Variants in HTR7 observed in about 807,000 individuals in gnomAD.
HTR7 encodes 5-HT-7.
A neutral mutation model predicts 34.0 loss-of-function variants in HTR7; 16 were observed. That is an observed-to-expected ratio of 0.47 (90% CI 0.32 to 0.71). The LOEUF is 0.71. Ranked by LOEUF, HTR7 falls within the 30% of genes least tolerant of loss-of-function variation. HTR7 has a pLI of 0.04. For synonymous variants in HTR7, 265 were observed against 260.2 expected, an observed-to-expected ratio of 1.02 and a Z score of -0.18; for missense variants, 504 against 625.5, an observed-to-expected ratio of 0.81 and a Z score of 2.07.
intron 1 of HTR7, among the ~76,000 whole-genome samples, chr10:90,759,510 C>T (rs1388422118): frequency 6.6e-6 from 1 of 150,392 alleles, no homozygotes; most frequent in Non-Finnish European, 1.5e-5. Flanking sequence ...AAAAAATTAG[C>T]CGGGCGCGGT....
chr10:90,830,488 T>C (rs1161583071), intron 1 of HTR7, among the ~76,000 whole-genome samples: 2 of 152,058 alleles, frequency 1.3e-5, no homozygotes, highest in Non-Finnish European at 2.9e-5. Flanking sequence ...CAAAAGTCAC[T>C]ATAGAAAGAT....
At chr10:90,800,216 A>G (rs1017490612) in intron 1 of HTR7, among the ~76,000 whole-genome samples, 3 of 152,236 alleles carry the variant, frequency 2.0e-5, no homozygotes, top group Non-Finnish European at 4.4e-5. Flanking sequence ...AGAATGTACA[A>G]CCACTTACAA....
chr10:90,821,652 C>G lies in HTR7; in HGVS notation c.539+35481G>C, dbSNP rs571660615. Among the ~76,000 whole-genome samples, 6 of 152,304 alleles carry G rather than the reference C, an allele frequency of 3.9e-5. No individual in the cohort carries two copies. In the East Asian group the frequency reaches 1.2e-3, roughly 29 times the overall value. ...GACACATGACCTAGTGAGACACCAACCAGTACAGCCAAGGGAATTGACGTG... is the reference window on the plus strand; with the variant it reads ...GACACATGACCTAGTGAGACACCAAGCAGTACAGCCAAGGGAATTGACGTG... On this transcript the variant is annotated intron_variant, in intron 1 of 3. Coordinates refer to ENST00000336152, the MANE Select transcript of HTR7 (RefSeq NM_019859.4).
At chr10:90,753,712 A>G (rs1844781013) in intron 1 of HTR7, among the ~76,000 whole-genome samples, 1 of 152,050 alleles carries the variant, frequency 6.6e-6, no homozygotes, top group South Asian at 2.1e-4. Flanking sequence ...TCTAAGTATT[A>G]TCAATAGGAG....
At chr10:90,855,218 TAAC>T (rs1846560070) in intron 1 of HTR7, among the ~76,000 whole-genome samples, 1 of 152,200 alleles carries the variant, frequency 6.6e-6, no homozygotes, top group Admixed American at 6.5e-5. Flanking sequence ...AGAATACAGT[TAAC>T]AACAAAATCT....
chr10:90,745,197 C>T (rs1477089363), intron 2 of HTR7, among the ~76,000 whole-genome samples: 1 of 152,162 alleles, frequency 6.6e-6, no homozygotes, highest in Non-Finnish European at 1.5e-5. Context: ...TTATAAACAA[C>T]AGAAATTTAT....
chr10:90,742,617 C>G, intron 3 of HTR7, 89 bp from the exon 4 acceptor site: 1 of 819,752 alleles, frequency 1.2e-6, no homozygotes, highest in Non-Finnish European at 2.0e-6. Context: ...TTAATTTTTA[C>G]AGCAGTCAGT....
At chr10:90,812,671 C>A (rs1446570330) in intron 1 of HTR7, among the ~76,000 whole-genome samples, 1 of 152,208 alleles carries the variant, frequency 6.6e-6, no homozygotes, top group Non-Finnish European at 1.5e-5. Context: ...GGTTCCCAAG[C>A]CACCCCAATC....
intron 1 of HTR7, among the ~76,000 whole-genome samples, chr10:90,761,660 GTGT>G (rs1844939155): frequency 1.3e-5 from 2 of 151,536 alleles, no homozygotes; most frequent in African/African-American, 4.9e-5. Flanking sequence ...GTGTGTGTGT[GTGT>G]GGTGAGGTTT....
intron 1 of HTR7, among the ~76,000 whole-genome samples, chr10:90,813,063 C>T (rs1845840646): frequency 1.3e-5 from 2 of 152,050 alleles, no homozygotes; most frequent in African/African-American, 2.4e-5. Flanking sequence ...TTGCAACCCC[C>T]ACTCCTGCCC....
chr10:90,763,748 G>C (rs1490461695), intron 1 of HTR7, among the ~76,000 whole-genome samples: 1 of 152,162 alleles, frequency 6.6e-6, no homozygotes. Context: ...AGTTTGCTGA[G>C]GATGATGGCT....
rs563722309 is a variant in HTR7 at position 90,776,525 on chromosome 10, T to C, written c.540-26931A>G. 2.5e-3 allele frequency among the ~76,000 whole-genome samples: 378 copies of C among 152,360 alleles called. 1 individual carries two copies. The highest frequency in any genetic ancestry group is 0.014 in the Middle Eastern group (4 of 294). ...ATGCGAAGCTTCTAACCTTTTCTTCTTTCTCTGAAGTTTATAATTTAAATT... is the reference window on the plus strand; with the variant it reads ...ATGCGAAGCTTCTAACCTTTTCTTCCTTCTCTGAAGTTTATAATTTAAATT... On this transcript the variant is annotated intron_variant, in intron 1 of 3. Transcript: ENST00000336152.
chr10:90,746,811 A>AC (rs1030520671), intron 2 of HTR7, among the ~76,000 whole-genome samples: 4 of 151,854 alleles, frequency 2.6e-5, no homozygotes, highest in African/African-American at 9.7e-5. Context: ...AAGCCCCAAA[A>AC]CCCTATCAAT....
intron 1 of HTR7, among the ~76,000 whole-genome samples, chr10:90,842,864 G>A (rs895564231): frequency 2.2e-4 from 33 of 152,002 alleles, no homozygotes; most frequent in Middle Eastern, 6.8e-3. Flanking sequence ...TGCTAATGTC[G>A]GTGTTCTGCA....
chr10:90,742,363 T>C lies in HTR7; in HGVS notation c.*119A>G, dbSNP rs1248328910. 1.4e-6 allele frequency: 1 copy of C among 725,316 alleles called. No individual in the cohort carries two copies. The highest frequency in any genetic ancestry group is 2.3e-6 in the Non-Finnish European group (1 of 426,946). 44.9% of individuals were successfully genotyped at this position (725,316 alleles called of 1,614,324 possible). A position where few individuals can be genotyped will look rare whatever the true frequency, so the allele number is the denominator to read the frequency against. On this transcript the variant is annotated 3_prime_UTR_variant, in exon 4 of 4. Coordinates refer to ENST00000336152, the MANE Select transcript of HTR7 (RefSeq NM_019859.4). The stretch of plus-strand genomic sequence containing the variant: ...GTACAACAGATCACCCTGTTTGTCA[T>C]GTTTTAGACATCCCAAGAAAGGACA...
At chr10:90,827,855 C>T (rs768501369) in intron 1 of HTR7, among the ~76,000 whole-genome samples, 26 of 152,186 alleles carry the variant, frequency 1.7e-4, no homozygotes, top group Non-Finnish European at 2.9e-5. Flanking sequence ...TTAATCTGCA[C>T]CATGGACCAA....
chr10:90,749,320 TGGCAGCACTCTTCCTGGCAG>T lies in HTR7; in HGVS notation c.794_813del (p.Ala265GlufsTer41), dbSNP rs777582914. The T allele has an allele frequency of 1.2e-6, 2 of 1,614,170 alleles. No individual in the cohort carries two copies. Among genetic ancestry groups the T allele is most frequent in the Non-Finnish European group, 1.7e-6 (2 of 1,180,040 alleles). On this transcript the variant is annotated frameshift_variant, in exon 2 of 4. Transcript: ENST00000336152. LOFTEE classifies it high-confidence loss of function. This position sits in a 1 kb window ranked among gnomAD's most constrained non-coding sequence, Gnocchi z 4.2. ...CGAGGGAAGCCAGGAAACTTGTGTT[TGGCAGCACTCTTCCTGGCAG>T]CCTTGTAAATCTGGTAGTACATGAA... is the stretch of plus-strand genomic sequence containing the variant.
At chr10:90,798,322 A>G (rs1045684041) in intron 1 of HTR7, among the ~76,000 whole-genome samples, 6 of 152,184 alleles carry the variant, frequency 3.9e-5, no homozygotes, top group Non-Finnish European at 5.9e-5. Flanking sequence ...TCAAAAGTAG[A>G]TGTCATTAGA....
chr10:90,752,479 T>G (rs1314807370), intron 1 of HTR7, among the ~76,000 whole-genome samples: 3 of 152,104 alleles, frequency 2.0e-5, no homozygotes, highest in Non-Finnish European at 4.4e-5. Flanking sequence ...CTATTTCCCC[T>G]CAATCTATAA....
Sources: allele counts gnomAD v4.1 joint callset (sites outside exome capture counted in the v4.1 genomes callset), GRCh38; gene constraint gnomAD v4.1.1; non-coding constraint Gnocchi (gnomAD v3.1); transcripts MANE v1.5; gene names NCBI Gene and HGNC (gene_info 2026-07-23, HGNC 2026-07-21).